RPS6KA5: variants seen among roughly 807,000 people sequenced by gnomAD.
RPS6KA5 encodes the protein ribosomal protein S6 kinase A5, also known as ribosomal protein S6 kinase alpha-5.
In RPS6KA5, 27 loss-of-function variants were observed where a neutral mutation model predicts 85.5. The ratio of observed to expected loss-of-function variants is 0.32; its 90% confidence interval spans 0.23 to 0.44. RPS6KA5 has a LOEUF of 0.44. Ranked by LOEUF, RPS6KA5 falls within the 20% of genes least tolerant of loss-of-function variation. The pLI, the probability that RPS6KA5 is intolerant of heterozygous loss-of-function variation, is 1.00. For synonymous variants in RPS6KA5, 334 were observed against 348.2 expected, an observed-to-expected ratio of 0.96 and a Z score of 0.46; for missense variants, 811 against 980.9, an observed-to-expected ratio of 0.83 and a Z score of 2.31.
intron 1 of RPS6KA5, among the ~76,000 whole-genome samples, chr14:91,016,235 A>G (rs2041487233): frequency 6.6e-6 from 1 of 152,092 alleles, no homozygotes. Flanking sequence ...TCACTGGTAA[A>G]CTAATTTTTT....
intron 4 of RPS6KA5, 42 bp downstream of exon 4, chr14:90,947,393 A>T: frequency 9.2e-7 from 1 of 1,090,258 alleles, no homozygotes; most frequent in Non-Finnish European, 1.4e-6. Flanking sequence ...TACCTTAGTT[A>T]ACAGACTTCA....
rs1220025192 is a variant in RPS6KA5, at chr14:90,862,468, C to A, written c.*9606G>T. On this transcript the variant is annotated 3_prime_UTR_variant, in exon 17 of 17. Transcript: ENST00000614987. ...CCTCCTCCTCCTCCTTCTTCTTCTT[C>A]TTCTTCTTCTTTTTTTAATGCTAGG... 1 of 152,070 alleles carries A rather than the reference C, an allele frequency of 6.6e-6. No individual in the cohort carries two copies. The highest frequency in any genetic ancestry group is 1.9e-4 in the East Asian group (1 of 5,188). The allele number at this position is 152,070 out of a possible 1,614,324, so 9.4% of individuals were successfully genotyped here.
intron 1 of RPS6KA5, among the ~76,000 whole-genome samples, chr14:91,056,867 CTTTTTTTTTTTTT>C (rs34807092): frequency 7.5e-4 from 29 of 38,880 alleles, no homozygotes; most frequent in Middle Eastern, 0.026. Context: ...GCAGTATTAT[CTTTTTTTTTTTTT>C]TTTTTTTTTT....
intron 3 of RPS6KA5, among the ~76,000 whole-genome samples, chr14:90,972,700 C>T (rs570753272): frequency 1.3e-5 from 2 of 152,246 alleles, no homozygotes; most frequent in Admixed American, 1.3e-4. Context: ...AGGAGGTCTT[C>T]TGACTATGAC....
At chr14:90,934,776 A>C (rs771121957) in intron 5 of RPS6KA5, among the ~76,000 whole-genome samples, 2 of 152,038 alleles carry the variant, frequency 1.3e-5, no homozygotes, top group Non-Finnish European at 2.9e-5. Flanking sequence ...TTACCCCCCA[A>C]CCTTTGGAGG....
chr14:90,855,518 A>C lies in RPS6KA5; in HGVS notation c.*16556T>G, dbSNP rs1024737939. 1 of 152,118 alleles carries C rather than the reference A, an allele frequency of 6.6e-6. No individual in the cohort carries two copies. Among genetic ancestry groups the C allele is most frequent in the African/African-American group, 2.4e-5 (1 of 41,372 alleles). 9.4% of individuals were successfully genotyped at this position (152,118 alleles called of 1,614,324 possible). A position where few individuals can be genotyped will look rare whatever the true frequency, so the allele number is the denominator to read the frequency against. On this transcript the variant is annotated 3_prime_UTR_variant, in exon 17 of 17. Coordinates refer to ENST00000614987, the MANE Select transcript of RPS6KA5 (RefSeq NM_004755.4). Reference sequence around the variant, plus strand: ...AATGGCGTGATCTCGGCTCACTGCAACCTCTGCTTCCTGGGTTCAAGAGAG... The same window carrying C: ...AATGGCGTGATCTCGGCTCACTGCACCCTCTGCTTCCTGGGTTCAAGAGAG...
intron 13 of RPS6KA5, among the ~76,000 whole-genome samples, chr14:90,890,953 T>C (rs982261159): frequency 2.0e-5 from 3 of 152,074 alleles, no homozygotes; most frequent in African/African-American, 7.2e-5. Flanking sequence ...CTGCTTGTGT[T>C]TGTCTTTTGC....
At chr14:90,988,544 T>G (rs1315292454) in intron 2 of RPS6KA5, among the ~76,000 whole-genome samples, 1 of 152,164 alleles carries the variant, frequency 6.6e-6, no homozygotes, top group Admixed American at 6.6e-5. Context: ...AGGCTGGGCA[T>G]GGTGGCTCAC....
At chr14:90,969,705 A>G (rs1220730143) in intron 3 of RPS6KA5, among the ~76,000 whole-genome samples, 1 of 152,064 alleles carries the variant, frequency 6.6e-6, no homozygotes, top group Non-Finnish European at 1.5e-5. Context: ...TTCCAGTAAT[A>G]CTCTGGCTGA....
In RPS6KA5 at chr14:91,060,469, G is replaced by A. The variant is rs201279993; in HGVS notation, c.-35C>T. ...TTTTTCCGATCCCGCGGGTCGCTAC[G>A]AGGGGAACCCAGGAGACAGCGGACG... is the stretch of plus-strand genomic sequence containing the variant. On this transcript the variant is annotated 5_prime_UTR_variant, in exon 1 of 17. Coordinates refer to ENST00000614987, the MANE Select transcript of RPS6KA5 (RefSeq NM_004755.4). 13 of 1,392,090 alleles carry A rather than the reference G, an allele frequency of 9.3e-6. No homozygotes were observed. The highest frequency in any genetic ancestry group is 1.5e-5 in the African/African-American group (1 of 67,410). 86.2% of individuals were successfully genotyped at this position (1,392,090 alleles called of 1,614,324 possible).
intron 4 of RPS6KA5, among the ~76,000 whole-genome samples, chr14:90,943,884 ACT>A (rs1595287947): frequency 2.0e-5 from 3 of 151,912 alleles, no homozygotes; most frequent in Middle Eastern, 3.4e-3. Context: ...ATAGGGTCTC[ACT>A]CTGTCACCCA....
rs1316113133 is a variant in RPS6KA5 at position 90,958,353 on chromosome 14, T to A, written c.395-10803A>T. The stretch of plus-strand genomic sequence containing the variant: ...TTTTCCAACCCATAAATATGGTGTA[T>A]CTCCAATAATCAGTTTTCTTTCATT... On this transcript the variant is annotated intron_variant, in intron 3 of 16. Transcript: ENST00000614987. Among the ~76,000 whole-genome samples the A allele has an allele frequency of 5.3e-5, 8 of 152,330 alleles. No homozygotes were observed. The East Asian group carries it at 1.5e-3, about 29-fold the overall frequency.
chr14:91,032,299 CAGAA>C (rs545391555), intron 1 of RPS6KA5, among the ~76,000 whole-genome samples: 19 of 152,208 alleles, frequency 1.2e-4, no homozygotes, highest in Non-Finnish European at 2.1e-4. Flanking sequence ...CCTGCCAGAG[CAGAA>C]AGAGTCTAGA....
intron 1 of RPS6KA5, chr14:91,059,918 G>A (rs1307825751): frequency 1.1e-5 from 6 of 548,376 alleles, no homozygotes; most frequent in South Asian, 7.9e-5. Flanking sequence ...GGACCAGAGG[G>A]GCGGAGGAGG....
chr14:90,882,666 T>C (rs1349861767), intron 14 of RPS6KA5, among the ~76,000 whole-genome samples: 1 of 152,144 alleles, frequency 6.6e-6, no homozygotes, highest in Non-Finnish European at 1.5e-5. Flanking sequence ...GGATTCTTGG[T>C]TGACAGTTTT....
rs34807092 is a variant in RPS6KA5, at chr14:91,056,867, CTTTTTTTTTTTTTT to C, written c.103+3451_103+3464del. Among the ~76,000 whole-genome samples the C allele has an allele frequency of 1.0e-3, 40 of 38,876 alleles. No individual in the cohort carries two copies. In the Middle Eastern group the frequency reaches 0.079, roughly 77 times the overall value. The allele number at this position is 38,876 out of a possible 152,430, so 25.5% of individuals were successfully genotyped here. A position where few individuals can be genotyped will look rare whatever the true frequency, so the allele number is the denominator to read the frequency against. ...ACTGTTATACTTAAGGCAGTATTAT[CTTTTTTTTTTTTTT>C]TTTTTTTTTTTTTTTGGAGATGGGA... On this transcript the variant is annotated intron_variant, in intron 1 of 16. Coordinates refer to ENST00000614987, the MANE Select transcript of RPS6KA5 (RefSeq NM_004755.4).
At chr14:91,000,039 T>A (rs1345127558) in intron 2 of RPS6KA5, among the ~76,000 whole-genome samples, 1 of 151,802 alleles carries the variant, frequency 6.6e-6, no homozygotes, top group African/African-American at 2.4e-5. Flanking sequence ...CTCAAGGGCT[T>A]CTCCCATCTT....
At chr14:91,007,378 A>G (rs1428235740) in intron 1 of RPS6KA5, among the ~76,000 whole-genome samples, 1 of 152,232 alleles carries the variant, frequency 6.6e-6, no homozygotes, top group Non-Finnish European at 1.5e-5. Flanking sequence ...GTCAATTCTG[A>G]TGACCACATG....
At chr14:91,001,707 CCT>C (rs1349605314) in intron 1 of RPS6KA5, among the ~76,000 whole-genome samples, 14 of 152,170 alleles carry the variant, frequency 9.2e-5, no homozygotes, top group Non-Finnish European at 1.8e-4. Flanking sequence ...CTCTAGGATC[CCT>C]GTCAGCTCTA....
Sources: gnomAD v4.1 joint callset for allele counts (sites outside exome capture counted in the v4.1 genomes callset) on GRCh38, gnomAD v4.1.1 for gene constraint, MANE v1.5 for transcripts, NCBI Gene and HGNC (gene_info 2026-07-23, HGNC 2026-07-21) for gene names.